Variants in MGAT4C observed in about 807,000 individuals in gnomAD.
MGAT4C encodes the protein alpha-1,3-mannosyl-glycoprotein 4-beta-N-acetylglucosaminyltransferase C.
In MGAT4C, 19 loss-of-function variants were observed where a neutral mutation model predicts 40.1. The ratio of observed to expected loss-of-function variants is 0.47; its 90% confidence interval spans 0.33 to 0.70. The LOEUF (loss-of-function observed/expected upper bound fraction) is 0.70. Among genes scored for constraint, MGAT4C ranks in the 30% least tolerant of loss-of-function variants. MGAT4C has a pLI of 0.02. For missense variants in MGAT4C, 491 were observed against 563.2 expected, an observed-to-expected ratio of 0.87 and a Z score of 1.30; for synonymous variants, 181 against 187.1, an observed-to-expected ratio of 0.97 and a Z score of 0.27.
At chr12:86,116,584 T>G (rs2135666410) in intron 1 of MGAT4C, among the ~76,000 whole-genome samples, 1 of 152,230 alleles carries the variant, frequency 6.6e-6, no homozygotes, top group African/African-American at 2.4e-5. Flanking sequence ...TAAGGACTGG[T>G]ATGGAACTCA....
chr12:86,161,442 C>G (rs976633095), intron 1 of MGAT4C, among the ~76,000 whole-genome samples: 1 of 152,134 alleles, frequency 6.6e-6, no homozygotes. Flanking sequence ...GCTGGGATAA[C>G]TGGCTAGCCA....
At chr12:86,631,648 A>C (rs1482214016) in intron 2 of MGAT4C, among the ~76,000 whole-genome samples, 4 of 152,072 alleles carry the variant, frequency 2.6e-5, no homozygotes, top group African/African-American at 9.7e-5. Context: ...AAAACAAGAA[A>C]TGGGGAAAGG....
At chr12:86,610,582 T>G (rs1962217086) in intron 2 of MGAT4C, among the ~76,000 whole-genome samples, 1 of 151,596 alleles carries the variant, frequency 6.6e-6, no homozygotes. Context: ...ATTTTCTTTC[T>G]TTTTGTTTAT....
chr12:86,022,890 A>G (rs1302773745), intron 2 of MGAT4C, among the ~76,000 whole-genome samples: 1 of 152,188 alleles, frequency 6.6e-6, no homozygotes. Context: ...GGCTGTTTTC[A>G]GAGAATATTA....
intron 4 of MGAT4C, among the ~76,000 whole-genome samples, chr12:86,298,764 A>C (rs929316001): frequency 2.6e-5 from 4 of 152,194 alleles, no homozygotes; most frequent in Non-Finnish European, 5.9e-5. Context: ...TTATTCTGGA[A>C]GTCAACTAGT....
chr12:86,091,104 A>T (rs1872795032), intron 1 of MGAT4C, among the ~76,000 whole-genome samples: 1 of 152,054 alleles, frequency 6.6e-6, no homozygotes, highest in South Asian at 2.1e-4. Flanking sequence ...AATACGTTGA[A>T]CTGCCCACAC....
intron 2 of MGAT4C, among the ~76,000 whole-genome samples, chr12:86,688,904 T>C (rs1950123269): frequency 6.6e-6 from 1 of 152,188 alleles, no homozygotes; most frequent in South Asian, 2.1e-4. Context: ...CTTGCTAGGT[T>C]GGGGAAGTTC....
chr12:86,631,214 T>C (rs1324736348), intron 2 of MGAT4C, among the ~76,000 whole-genome samples: 2 of 152,098 alleles, frequency 1.3e-5, no homozygotes, highest in South Asian at 2.1e-4. Context: ...GAAGGACCTC[T>C]TCAAGGAGAA....
chr12:86,409,442 C>T (rs1001450539), intron 3 of MGAT4C, among the ~76,000 whole-genome samples: 6 of 152,008 alleles, frequency 3.9e-5, no homozygotes, highest in Non-Finnish European at 7.4e-5. Flanking sequence ...CAATTGGAGA[C>T]ACAGAAGGCC....
intron 2 of MGAT4C, among the ~76,000 whole-genome samples, chr12:86,680,833 T>C (rs976603973): frequency 1.3e-5 from 2 of 151,986 alleles, no homozygotes; most frequent in Non-Finnish European, 2.9e-5. Context: ...CTATATTATG[T>C]TTCTTCTCAT....
rs1953004757 is a variant in MGAT4C at position 86,273,768 on chromosome 12, T to C, written c.-57+60297A>G. Among the ~76,000 whole-genome samples the C allele has an allele frequency of 2.6e-5, 4 of 152,124 alleles. No individual in the cohort carries two copies. The South Asian group carries it at 8.3e-4, about 32-fold the overall frequency. ...ACTGCATACGATAACAGAGTGAATA[T>C]ATAAGTGATAAGAGGGCCTAGTGAT... On this transcript the variant is annotated intron_variant, in intron 4 of 7. Transcript: ENST00000548651.
rs1355476433 is a variant in MGAT4C at position 85,957,624 on chromosome 12, G to T, written c.*21665C>A. Reference sequence around the variant, plus strand: ...CTCTGTTATGTCAAATAAAACCACAGATTTTCTTTTACTGTAGAGTTGAAT... The same window carrying T: ...CTCTGTTATGTCAAATAAAACCACATATTTTCTTTTACTGTAGAGTTGAAT... On this transcript the variant is annotated 3_prime_UTR_variant, in exon 5 of 5. Coordinates refer to ENST00000611864, the MANE Select transcript of MGAT4C (RefSeq NM_001351288.2). 2 of 104,026 alleles carry T rather than the reference G, an allele frequency of 1.9e-5. No individual in the cohort carries two copies. The highest frequency in any genetic ancestry group is 3.8e-5 in the Non-Finnish European group (2 of 52,352). 6.4% of individuals were successfully genotyped at this position (104,026 alleles called of 1,614,324 possible).
intron 2 of MGAT4C, among the ~76,000 whole-genome samples, chr12:86,446,115 T>A (rs535477855): frequency 6.6e-6 from 1 of 152,112 alleles, no homozygotes; most frequent in African/African-American, 2.4e-5. Flanking sequence ...ATAAAGTATA[T>A]CACAAAAATA....
intron 1 of MGAT4C, among the ~76,000 whole-genome samples, chr12:86,166,329 A>AAAAC (rs768337124): frequency 9.9e-5 from 15 of 152,196 alleles, no homozygotes; most frequent in Non-Finnish European, 1.8e-4. Context: ...CTGAAAGGGA[A>AAAAC]AAACAAACAA....
chr12:86,583,013 A>C lies in MGAT4C; in HGVS notation c.-229+144196T>G, dbSNP rs79621208. On this transcript the variant is annotated intron_variant, in intron 2 of 7. Transcript: ENST00000548651. ...AATGGCACAAACTGGGAAATAATAT[A>C]AAAGAGAAAATAAGGACAGTAAAAT... is the stretch of plus-strand genomic sequence containing the variant. Among the ~76,000 whole-genome samples, 127 of 151,536 alleles carry C rather than the reference A, an allele frequency of 8.4e-4. 1 individual carries two copies. The East Asian group carries it at 0.024, about 29-fold the overall frequency.
chr12:86,310,423 T>C (rs983023425), intron 4 of MGAT4C, among the ~76,000 whole-genome samples: 1 of 152,182 alleles, frequency 6.6e-6, no homozygotes, highest in Non-Finnish European at 1.5e-5. Flanking sequence ...AGAGGGCCGG[T>C]GGTAGGCACC....
chr12:86,729,023 A>G (rs1950867522), intron 1 of MGAT4C, among the ~76,000 whole-genome samples: 1 of 152,222 alleles, frequency 6.6e-6, no homozygotes, highest in Admixed American at 6.5e-5. Flanking sequence ...ACTCTTGATT[A>G]TTAAATAAGG....
rs1345819264 is a variant in MGAT4C at position 85,968,512 on chromosome 12, T to G, written c.*10777A>C. The G allele has an allele frequency of 6.6e-6, 1 of 151,930 alleles. No homozygotes were observed. Among genetic ancestry groups the G allele is most frequent in the East Asian group, 1.9e-4 (1 of 5,198 alleles). The allele number at this position is 151,930 out of a possible 1,614,324, so 9.4% of individuals were successfully genotyped here. A position where few individuals can be genotyped will look rare whatever the true frequency, so the allele number is the denominator to read the frequency against. On this transcript the variant is annotated 3_prime_UTR_variant, in exon 5 of 5. Transcript: ENST00000611864. ...CATAAAAATTGACTGGAACTTTTAT[T>G]TTTCAGTACAACAATAATAGTATTG...
At chr12:86,599,519 A>G (rs1400248176) in intron 2 of MGAT4C, 1 of 152,312 alleles carries the variant, frequency 6.6e-6, no homozygotes, top group African/African-American at 2.4e-5. Context: ...CTGCAAAACA[A>G]TAGTGCTAAG....
Sources: gnomAD v4.1 joint callset for allele counts (sites outside exome capture counted in the v4.1 genomes callset) on GRCh38, gnomAD v4.1.1 for gene constraint, MANE v1.5 for transcripts, NCBI Gene and HGNC (gene_info 2026-07-23, HGNC 2026-07-21) for gene names.